Variants in TNNI3K observed in about 807,000 individuals in gnomAD.
TNNI3K encodes the protein serine/threonine-protein kinase TNNI3K.
TNNI3K carries 140 observed loss-of-function variants against 114.5 expected under a neutral mutation model. The observed-to-expected ratio is 1.22, with a 90% confidence interval of 1.07 to 1.41. The LOEUF (loss-of-function observed/expected upper bound fraction) is 1.41. TNNI3K is among the 40% of genes most tolerant of loss of function. TNNI3K has a pLI of 0.00. For missense variants in TNNI3K, 1,125 were observed against 1,007.6 expected, an observed-to-expected ratio of 1.12 and a Z score of -1.58; for synonymous variants, 347 against 347.5, an observed-to-expected ratio of 1.00 and a Z score of 0.02.
At position 74,469,744 on chromosome 1, in the gene TNNI3K, A is replaced by C. The variant is rs1570660953; in HGVS notation, c.2121+6194A>C. 1.0e-5 allele frequency: 4 copies of C among 395,892 alleles called. No individual in the cohort carries two copies. In the East Asian group the frequency reaches 1.4e-4, roughly 14 times the overall value. The allele number at this position is 395,892 out of a possible 1,614,324, so 24.5% of individuals were successfully genotyped here. A position where few individuals can be genotyped will look rare whatever the true frequency, so the allele number is the denominator to read the frequency against. On this transcript the variant is annotated intron_variant, in intron 21 of 24. Coordinates refer to ENST00000326637, the MANE Select transcript of TNNI3K (RefSeq NM_015978.3). ...TCAACTCTGGTTTTATTTTATTGAT[A>C]ACAAAGAGTTACTGAGGACGTTGTT... is the stretch of plus-strand genomic sequence containing the variant.
chr1:74,323,771 A>G (rs985264244), intron 5 of TNNI3K, among the ~76,000 whole-genome samples: 7 of 152,318 alleles, frequency 4.6e-5, no homozygotes, highest in Non-Finnish European at 8.8e-5. Context: ...ATTCTTATAT[A>G]CTAAGCATTG....
intron 17 of TNNI3K, among the ~76,000 whole-genome samples, chr1:74,391,755 G>A (rs1229207690): frequency 6.6e-6 from 1 of 152,124 alleles, no homozygotes; most frequent in Non-Finnish European, 1.5e-5. Context: ...ACCTAAGACA[G>A]AGGAGTGGGT....
chr1:74,379,947 A>C (rs1663113876), intron 17 of TNNI3K, among the ~76,000 whole-genome samples: 1 of 152,106 alleles, frequency 6.6e-6, no homozygotes, highest in African/African-American at 2.4e-5. Context: ...TGCATTCACC[A>C]ATTCTAAAAA....
intron 5 of TNNI3K, among the ~76,000 whole-genome samples, chr1:74,298,833 G>T (rs1302584740): frequency 6.6e-6 from 1 of 152,020 alleles, no homozygotes; most frequent in Admixed American, 6.6e-5. Flanking sequence ...AATTCTGAAG[G>T]AATCAGAAAG....
intron 17 of TNNI3K, among the ~76,000 whole-genome samples, chr1:74,402,255 G>A (rs901886504): frequency 1.3e-5 from 2 of 152,102 alleles, no homozygotes; most frequent in African/African-American, 2.4e-5. Flanking sequence ...AACCCAGGAA[G>A]CCTAATGCCT....
intron 9 of TNNI3K, among the ~76,000 whole-genome samples, chr1:74,347,628 G>A (rs943267936): frequency 4.6e-5 from 7 of 152,144 alleles, no homozygotes; most frequent in African/African-American, 1.4e-4. Context: ...CAGTGTAAAA[G>A]TGTTCCTATT....
chr1:74,527,130 A>G (rs1646514259), intron 23 of TNNI3K, among the ~76,000 whole-genome samples: 1 of 152,336 alleles, frequency 6.6e-6, no homozygotes, highest in East Asian at 1.9e-4. Context: ...GTGGAAAAAT[A>G]TGAAGGCTAC....
chr1:74,345,567 A>G (rs1231586308), intron 9 of TNNI3K, among the ~76,000 whole-genome samples: 1 of 152,182 alleles, frequency 6.6e-6, no homozygotes, highest in Non-Finnish European at 1.5e-5. Context: ...CATCCCAGGA[A>G]GAGGAAATGC....
intron 23 of TNNI3K, among the ~76,000 whole-genome samples, chr1:74,502,032 G>T (rs1669659649): frequency 6.6e-6 from 1 of 151,998 alleles, no homozygotes; most frequent in Admixed American, 6.6e-5. Context: ...CTTTATACAG[G>T]TGTTTCTTAT....
At chr1:74,309,683 C>T (rs571525270) in intron 5 of TNNI3K, among the ~76,000 whole-genome samples, 5 of 152,190 alleles carry the variant, frequency 3.3e-5, no homozygotes, top group African/African-American at 1.2e-4. Context: ...TGATCCACCA[C>T]CTAAACAGAA....
chr1:74,339,860 A>G (rs1314000619), intron 7 of TNNI3K, among the ~76,000 whole-genome samples: 1 of 152,108 alleles, frequency 6.6e-6, no homozygotes, highest in Non-Finnish European at 1.5e-5. Context: ...AATGTTAAAA[A>G]TTGAAAAAAT....
rs183432835 is a variant in TNNI3K at position 74,444,248 on chromosome 1, T to C, written c.2011+4626T>C. 5.0e-3 allele frequency among the ~76,000 whole-genome samples: 760 copies of C among 152,326 alleles called. 4 individuals are homozygous for C. Among genetic ancestry groups the C allele is most frequent in the Non-Finnish European group, 7.8e-3 (534 of 68,030 alleles). Reference sequence around the variant, plus strand: ...TCTGTTTGCAGATGACATGATTCTATGTCAAGAAGACCACATTGTCTCAGT... The same window carrying C: ...TCTGTTTGCAGATGACATGATTCTACGTCAAGAAGACCACATTGTCTCAGT... On this transcript the variant is annotated intron_variant, in intron 20 of 24. Coordinates refer to ENST00000326637, the MANE Select transcript of TNNI3K (RefSeq NM_015978.3).
intron 9 of TNNI3K, among the ~76,000 whole-genome samples, chr1:74,351,781 C>A (rs1043936249): frequency 6.6e-6 from 1 of 152,184 alleles, no homozygotes; most frequent in Non-Finnish European, 1.5e-5. Flanking sequence ...CTTGTGCATT[C>A]GTCACGTAGT....
At chr1:74,395,842 T>C (rs1275994164) in intron 17 of TNNI3K, among the ~76,000 whole-genome samples, 1 of 152,134 alleles carries the variant, frequency 6.6e-6, no homozygotes, top group African/African-American at 2.4e-5. Context: ...CCCTCTGAAA[T>C]TCCCCCAGAG....
At chr1:74,404,810 T>C (rs1664537684) in intron 17 of TNNI3K, among the ~76,000 whole-genome samples, 1 of 152,210 alleles carries the variant, frequency 6.6e-6, no homozygotes, top group African/African-American at 2.4e-5. Flanking sequence ...ATAATCCTGC[T>C]AAGTAAACTC....
intron 4 of TNNI3K, among the ~76,000 whole-genome samples, chr1:74,256,546 A>C (rs571465013): frequency 6.6e-6 from 1 of 151,896 alleles, no homozygotes; most frequent in Admixed American, 6.6e-5. Context: ...ACTTTTGCAA[A>C]AATTTCTCTC....
At chr1:74,332,297 C>CTT (rs528138817) in intron 6 of TNNI3K, among the ~76,000 whole-genome samples, 3 of 144,514 alleles carry the variant, frequency 2.1e-5, no homozygotes, top group Admixed American at 1.4e-4. Flanking sequence ...GCTATTTGCC[C>CTT]TTTTTTTTTT....
rs138478690 is a variant in TNNI3K, at chr1:74,469,318, A to T, written c.2121+5768A>T. 6.2e-3 allele frequency: 951 copies of T among 152,706 alleles called. 12 individuals are homozygous for T. The highest frequency in any genetic ancestry group is 0.024 in the Admixed American group (367 of 15,294). 9.5% of individuals were successfully genotyped at this position (152,706 alleles called of 1,614,324 possible). On this transcript the variant is annotated intron_variant, in intron 21 of 24. Transcript: ENST00000326637. ...AAGACTTCTACTTAAATCTGGGATG[A>T]TTGTCAACAGGACAATTGCAAATGT...
intron 5 of TNNI3K, among the ~76,000 whole-genome samples, chr1:74,297,900 A>G (rs1011076063): frequency 6.6e-6 from 1 of 152,126 alleles, no homozygotes; most frequent in Non-Finnish European, 1.5e-5. Context: ...AACTGACTCA[A>G]CTTCTCAATT....
Sources: gnomAD v4.1 joint callset for allele counts (sites outside exome capture counted in the v4.1 genomes callset) on GRCh38, gnomAD v4.1.1 for gene constraint, MANE v1.5 for transcripts, NCBI Gene and HGNC (gene_info 2026-07-23, HGNC 2026-07-21) for gene names.